Variants in ZNF83 observed in about 807,000 individuals in gnomAD.
The protein encoded by ZNF83 is zinc finger protein 816B.
For synonymous variants in ZNF83, 209 were observed against 213.0 expected, an observed-to-expected ratio of 0.98 and a Z score of 0.17; for missense variants, 552 against 629.9, an observed-to-expected ratio of 0.88 and a Z score of 1.32.
At chr19:52,625,334 CT>C (rs771383424) in intron 2 of ZNF83, among the ~76,000 whole-genome samples, 81 of 152,252 alleles carry the variant, frequency 5.3e-4, no homozygotes, top group Non-Finnish European at 9.0e-4. Context: ...GGTTTCCCCC[CT>C]ATGCAAGTGT....
chr19:52,642,609 T>C (rs764861663), upstream of ZNF83, among the ~76,000 whole-genome samples: 40 of 152,154 alleles, frequency 2.6e-4, no homozygotes, highest in Non-Finnish European at 4.7e-4. Flanking sequence ...CAGCTTGACT[T>C]TTCTCTTTGG....
At chr19:52,688,274 G>A (rs2062081209) in intron 1 of ZNF83, among the ~76,000 whole-genome samples, 1 of 151,856 alleles carries the variant, frequency 6.6e-6, no homozygotes, top group Non-Finnish European at 1.5e-5. Flanking sequence ...GAGCTCAAGT[G>A]ATCCTCCTCC....
At chr19:52,630,601 G>A (rs1014529774) in intron 2 of ZNF83, among the ~76,000 whole-genome samples, 2 of 151,964 alleles carry the variant, frequency 1.3e-5, no homozygotes, top group African/African-American at 2.4e-5. Context: ...TCTCACTGCT[G>A]CCCTTCTCCC....
At chr19:52,653,267 C>A in intron 3 of ZNF83, 2 of 1,485,078 alleles carry the variant, frequency 1.3e-6, no homozygotes, top group South Asian at 1.1e-5. Flanking sequence ...TAATGACATG[C>A]AAGGTGTGCT....
intron 2 of ZNF83, among the ~76,000 whole-genome samples, chr19:52,659,514 G>A (rs2061550154): frequency 6.7e-6 from 1 of 150,286 alleles, no homozygotes; most frequent in Admixed American, 6.7e-5. Context: ...GTCAGTGTAT[G>A]TTTTATTCAT....
chr19:52,635,339 C>T lies in ZNF83; in HGVS notation c.-321-186G>A, dbSNP rs577792160. 8 of 352,518 alleles carry T rather than the reference C, an allele frequency of 2.3e-5. No individual in the cohort carries two copies. In the East Asian group the frequency reaches 3.6e-4, roughly 16 times the overall value. 21.8% of individuals were successfully genotyped at this position (352,518 alleles called of 1,614,324 possible). Reference sequence around the variant, plus strand: ...CTTCTGGAGAAGCCCACACCACACCCTTCTGGAGGAGTCCACACACGCTGC... The same window carrying T: ...CTTCTGGAGAAGCCCACACCACACCTTTCTGGAGGAGTCCACACACGCTGC... On this transcript the variant is annotated intron_variant, in intron 1 of 2. Coordinates refer to ENST00000301096, the Ensembl canonical transcript of ZNF83.
intron 3 of ZNF83, among the ~76,000 whole-genome samples, chr19:52,648,094 C>A (rs557248045): frequency 1.3e-5 from 2 of 152,122 alleles, no homozygotes; most frequent in East Asian, 3.9e-4. Flanking sequence ...CTTCATCTCT[C>A]TGTACATCTA....
At chr19:52,674,790 A>C (rs2061776241) in intron 1 of ZNF83, among the ~76,000 whole-genome samples, 1 of 152,242 alleles carries the variant, frequency 6.6e-6, no homozygotes, top group African/African-American at 2.4e-5. Flanking sequence ...CAATATTGAT[A>C]GATTGGAAAA....
At chr19:52,648,070 C>CATCTCT (rs1273474166) in intron 3 of ZNF83, among the ~76,000 whole-genome samples, 1 of 152,006 alleles carries the variant, frequency 6.6e-6, no homozygotes, top group Non-Finnish European at 1.5e-5. Context: ...TGCCCCTCTT[C>CATCTCT]CTGCCTTGCT....
At chr19:52,654,506 A>C (rs1400497486) in intron 3 of ZNF83, 1 of 488,076 alleles carries the variant, frequency 2.0e-6, no homozygotes, top group African/African-American at 2.0e-5. Context: ...TACTTATTTT[A>C]AAATTCCCAA....
chr19:52,624,019 C>G (rs1454281077), intron 2 of ZNF83, among the ~76,000 whole-genome samples: 1 of 152,174 alleles, frequency 6.6e-6, no homozygotes, highest in Non-Finnish European at 1.5e-5. Flanking sequence ...CCCCTCATCC[C>G]AGCCCCTCTT....
upstream of ZNF83, among the ~76,000 whole-genome samples, chr19:52,639,140 T>A (rs977325296): frequency 8.5e-5 from 13 of 152,204 alleles, no homozygotes; most frequent in African/African-American, 3.1e-4. Flanking sequence ...TTTGCTCTAG[T>A]TGACCAGGCT....
intron 2 of ZNF83, among the ~76,000 whole-genome samples, chr19:52,618,222 C>T (rs2060387677): frequency 6.6e-6 from 1 of 151,800 alleles, no homozygotes; most frequent in Non-Finnish European, 1.5e-5. Context: ...CTTTCTAGTA[C>T]CTGGGATTAC....
intron 1 of ZNF83, among the ~76,000 whole-genome samples, chr19:52,667,773 G>A (rs1305210141): frequency 6.6e-6 from 1 of 152,114 alleles, no homozygotes; most frequent in African/African-American, 2.4e-5. Context: ...AGGTTAAAGA[G>A]TCTATAAAAA....
At chr19:52,656,008 C>G (rs758017066) in intron 2 of ZNF83, among the ~76,000 whole-genome samples, 10 of 151,632 alleles carry the variant, frequency 6.6e-5, no homozygotes, top group Non-Finnish European at 1.3e-4. Flanking sequence ...CTCAGGAGTT[C>G]GAGACCACCC....
chr19:52,641,570 G>GTTCTT (rs779778352), upstream of ZNF83, among the ~76,000 whole-genome samples: 6 of 152,062 alleles, frequency 3.9e-5, no homozygotes, highest in African/African-American at 9.7e-5. Context: ...ATTACACTTA[G>GTTCTT]TTCTTTTCTT....
intron 1 of ZNF83, among the ~76,000 whole-genome samples, chr19:52,682,876 C>G (rs1024464518): frequency 2.6e-5 from 4 of 151,970 alleles, no homozygotes; most frequent in Non-Finnish European, 4.4e-5. Context: ...CTCTCTGTCT[C>G]TCTTTTTTTT....
chr19:52,677,613 C>T (rs1013824168), intron 1 of ZNF83, among the ~76,000 whole-genome samples: 4 of 152,044 alleles, frequency 2.6e-5, no homozygotes, highest in Non-Finnish European at 5.9e-5. Context: ...AACAAAATCC[C>T]CCTTGTAGAT....
At chr19:52,659,273 C>T (rs534579946) in intron 2 of ZNF83, among the ~76,000 whole-genome samples, 3 of 151,038 alleles carry the variant, frequency 2.0e-5, no homozygotes, top group Non-Finnish European at 3.0e-5. Context: ...GAACGCGACC[C>T]CCGAAAACAA....
Sources: allele counts gnomAD v4.1 joint callset (sites outside exome capture counted in the v4.1 genomes callset), GRCh38; gene constraint gnomAD v4.1.1; transcripts MANE v1.5; gene names NCBI Gene and HGNC (gene_info 2026-07-23, HGNC 2026-07-21).